Variants in PITRM1 observed in about 807,000 individuals in gnomAD.
The protein encoded by PITRM1 is presequence protease, mitochondrial.
In PITRM1, 100 loss-of-function variants were observed where a neutral mutation model predicts 129.9. The ratio of observed to expected loss-of-function variants is 0.77; its 90% confidence interval spans 0.65 to 0.91. The LOEUF (loss-of-function observed/expected upper bound fraction) is 0.91. PITRM1 is among the 40% of genes least tolerant of loss of function. The pLI, the probability that PITRM1 is intolerant of heterozygous loss-of-function variation, is 0.00. For missense variants in PITRM1, 1,471 were observed against 1,318.3 expected, an observed-to-expected ratio of 1.12 and a Z score of -1.79; for synonymous variants, 591 against 508.8, an observed-to-expected ratio of 1.16 and a Z score of -2.17.
chr10:3,167,284 A>AGAGCGAGCGAGCGAGC (rs56035202), intron 2 of PITRM1, among the ~76,000 whole-genome samples: 1 of 148,976 alleles, frequency 6.7e-6, no homozygotes, highest in African/African-American at 2.6e-5. Context: ...AAAGAGAGAG[A>AGAGCGAGCGAGCGAGC]GAGCGAGCGA....
chr10:3,165,325 T>A lies in PITRM1; in HGVS notation c.543A>T (p.Gly181=). ...CLRELDFWQE[G]WRLEHENPSD... Reference sequence around the variant, plus strand: ...TCGGATTCTCATGTTCCAGCCGCCATCCTTCCTGCCTGAGGACAAATCATT... The same window carrying A: ...TCGGATTCTCATGTTCCAGCCGCCAACCTTCCTGCCTGAGGACAAATCATT... The change falls in exon 6 of 27, where the codon GGA becomes GGT. Residue 181 remains glycine (G), a synonymous_variant. Coordinates refer to ENST00000224949, the MANE Select transcript of PITRM1 (RefSeq NM_014889.4). 6.3e-7 allele frequency: 1 copy of A among 1,592,674 alleles called. No individual in the cohort carries two copies. The highest frequency in any genetic ancestry group is 2.3e-5 in the East Asian group (1 of 44,150).
Position 3,138,317 on chromosome 10 carries a change from C to T in PITRM1, c.2938G>A (p.Gly980Ser), listed in dbSNP as rs772171696. Residue 980 changes from glycine (G) to serine (S), a missense_variant, in exon 26 of 27, where the codon GGC (glycine) becomes AGC (serine). By Grantham distance (56) the Gly-to-Ser change is moderately conservative. Transcript: ENST00000224949. The stretch of plus-strand genomic sequence containing the variant: ...GCCTGCTTCATCTCATCCGAGAGGC[C>T]GTACAAGAAGTGGTCCATTCCTAGA... Reference protein sequence around the residue: ...SDKGMDHFLYGLSDEMKQAHR... With the variant: ...SDKGMDHFLYSLSDEMKQAHR... 8.7e-6 allele frequency: 14 copies of T among 1,613,294 alleles called. No individual in the cohort carries two copies. Among genetic ancestry groups the T allele is most frequent in the Admixed American group, 6.7e-5 (4 of 60,010 alleles).
rs1167376814 is a variant in PITRM1 at position 3,163,861 on chromosome 10, G to A, written c.655C>T (p.Gln219Ter). Reference protein sequence around the residue: ...AFTDNERIFSQHLQNRLLPDH... With the variant: ...AFTDNERIFS ...GGAAGAAGTCTGTTCTGAAGGTGCT[G>A]GGAGAATATCCTCTCATTGTCTGTC... Residue 219 changes from glutamine to a stop codon, truncating the protein, a stop_gained, in exon 7 of 27, where the codon CAG becomes TAG. Transcript: ENST00000224949. LOFTEE classifies it high-confidence loss of function. 5 of 1,607,522 alleles carry A rather than the reference G, an allele frequency of 3.1e-6. No individual in the cohort carries two copies. Among genetic ancestry groups the A allele is most frequent in the Non-Finnish European group, 3.4e-6 (4 of 1,176,852 alleles).
chr10:3,143,581 C>A, intron 22 of PITRM1, 80 bp from the exon 23 acceptor site: 1 of 978,118 alleles, frequency 1.0e-6, no homozygotes, highest in South Asian at 1.3e-5. Context: ...ACTCAGGGGT[C>A]AGAGGCGGCT....
At chr10:3,169,088 G>A (rs534529395) in intron 2 of PITRM1, among the ~76,000 whole-genome samples, 1 of 152,290 alleles carries the variant, frequency 6.6e-6, no homozygotes, top group East Asian at 1.9e-4. Context: ...GCGACAGGGT[G>A]AGTCCCAGTC....
rs912846519 is a variant in PITRM1, at chr10:3,172,334, G to A, written c.56+383C>T. 1.8e-5 allele frequency: 9 copies of A among 496,362 alleles called. No individual in the cohort carries two copies. The Admixed American group carries it at 1.9e-4, about 11-fold the overall frequency. 30.7% of individuals were successfully genotyped at this position (496,362 alleles called of 1,614,324 possible). The stretch of plus-strand genomic sequence containing the variant: ...AGCGAGACTTTAAGTATGGGCTGTG[G>A]GCGCCTCGGGTCTCTTAAGGACTCG... On this transcript the variant is annotated intron_variant, in intron 1 of 26. Transcript: ENST00000224949.
intron 1 of PITRM1, 99 bp downstream of exon 1, chr10:3,172,618 C>T: frequency 1.8e-6 from 2 of 1,120,532 alleles, no homozygotes; most frequent in Non-Finnish European, 2.4e-6. Context: ...AGCTGCCAGC[C>T]CCGGGCGCAG....
chr10:3,167,049 T>G lies in PITRM1; in HGVS notation c.160-7A>C, dbSNP rs1424726067. On this transcript the variant is annotated splice_region_variant and splice_polypyrimidine_tract_variant and intron_variant, in intron 2 of 26. Transcript: ENST00000224949. ...GCTCGGGAACAGATGTCACCTGAGT[T>G]AACAAGAAAAACACGACCAGTTAAA... 2 of 1,573,656 alleles carry G rather than the reference T, an allele frequency of 1.3e-6. No individual in the cohort carries two copies. Among genetic ancestry groups the G allele is most frequent in the East Asian group, 2.3e-5 (1 of 44,420 alleles).
chr10:3,155,598 G>A lies in PITRM1; in HGVS notation c.1614C>T (p.Tyr538=), dbSNP rs748229201. The A allele has an allele frequency of 1.6e-5, 26 of 1,613,692 alleles. No individual in the cohort carries two copies. The highest frequency in any genetic ancestry group is 1.6e-4 in the Middle Eastern group (1 of 6,082). ...ALSPGDRQQI[Y]EKGLELRSQQ... ...CGGAAGGAAGCCTCTGACCTTTCTC[G>A]TAGATCTGCTGCCTGTCTCCGGGGG... The change falls in exon 14 of 27, where the codon TAC becomes TAT. Residue 538 remains tyrosine, a synonymous_variant. Transcript: ENST00000224949.
At chr10:3,166,856 G>A (rs768503190) in intron 3 of PITRM1, 80 bp downstream of exon 3, 1 of 784,304 alleles carries the variant, frequency 1.3e-6, no homozygotes, top group Admixed American at 2.6e-5. Flanking sequence ...TTCCATTGTG[G>A]CACAGGGAAG....
intron 7 of PITRM1, 195 bp downstream of exon 7, chr10:3,163,530 C>T: frequency 2.1e-6 from 1 of 478,670 alleles, no homozygotes; most frequent in Non-Finnish European, 3.7e-6. Context: ...TGCTGAGCCT[C>T]CTGAGGGCTA....
At chr10:3,141,666 A>G (rs1840215263) in intron 23 of PITRM1, 1 of 470,828 alleles carries the variant, frequency 2.1e-6, no homozygotes, top group African/African-American at 2.0e-5. Flanking sequence ...TCTGCAGCAC[A>G]GACACAGGCT....
intron 1 of PITRM1, 54 bp from the exon 2 acceptor site, chr10:3,170,260 C>T: frequency 7.8e-7 from 1 of 1,287,462 alleles, no homozygotes; most frequent in Non-Finnish European, 1.1e-6. Flanking sequence ...ATCTGGCTAA[C>T]ATTATTCAGC....
At chr10:3,152,523 G>A (rs1841608510) in intron 14 of PITRM1, among the ~76,000 whole-genome samples, 1 of 152,148 alleles carries the variant, frequency 6.6e-6, no homozygotes, top group African/African-American at 2.4e-5. Context: ...CCCTCCACAG[G>A]TGCCCCACTG....
At chr10:3,140,124 T>C (rs1358999591) in intron 24 of PITRM1, among the ~76,000 whole-genome samples, 1 of 152,190 alleles carries the variant, frequency 6.6e-6, no homozygotes, top group East Asian at 1.9e-4. Flanking sequence ...CAGCAAGATA[T>C]TAACAAAATA....
chr10:3,158,293 CAAGT>C, intron 10 of PITRM1, 140 bp from the exon 11 acceptor site: 2 of 629,804 alleles, frequency 3.2e-6, no homozygotes, highest in Admixed American at 3.2e-5. Context: ...GCAGTGTTCT[CAAGT>C]AACTGGTTCT....
intron 23 of PITRM1, 65 bp downstream of exon 23, chr10:3,143,324 G>T: frequency 9.6e-7 from 1 of 1,041,784 alleles, no homozygotes; most frequent in South Asian, 1.3e-5. Context: ...CTGTGAACTC[G>T]AACAGCCTTG....
intron 8 of PITRM1, 66 bp downstream of exon 8, chr10:3,160,138 T>C (rs2132470494): frequency 3.9e-6 from 6 of 1,536,862 alleles, no homozygotes; most frequent in Admixed American, 1.8e-5. Flanking sequence ...CCATCATCAA[T>C]ACCCAGTCCA....
Position 3,145,641 on chromosome 10 carries a change from A to G in PITRM1, c.2412T>C (p.Gly804=). 13 of 1,550,252 alleles carry G rather than the reference A, an allele frequency of 8.4e-6. No individual in the cohort carries two copies. Among genetic ancestry groups the G allele is most frequent in the Non-Finnish European group, 1.1e-5 (13 of 1,147,018 alleles). Residue 804 remains glycine (G), a synonymous_variant, in exon 21 of 27, where the codon GGT becomes GGC. Coordinates refer to ENST00000224949, the MANE Select transcript of PITRM1 (RefSeq NM_014889.4). ...KAVEDFLRSI[G]RSKKERRPVR... ...CAGGCCTCCGTTCCTTTTTACTCCGACCGATGCTTCTAAGGAAGTCTTCGA... is the reference window on the plus strand; with the variant it reads ...CAGGCCTCCGTTCCTTTTTACTCCGGCCGATGCTTCTAAGGAAGTCTTCGA...
Sources: allele counts gnomAD v4.1 joint callset (sites outside exome capture counted in the v4.1 genomes callset), GRCh38; gene constraint gnomAD v4.1.1; transcripts MANE v1.5; gene names NCBI Gene and HGNC (gene_info 2026-07-23, HGNC 2026-07-21).